TTC39C: variants seen among roughly 807,000 people sequenced by gnomAD.
TTC39C encodes the protein tetratricopeptide repeat domain 39C.
Under a neutral mutation model 76.3 loss-of-function variants are expected in TTC39C, and 33 were observed. The ratio of observed to expected loss-of-function variants is 0.43; its 90% CI spans 0.33 to 0.58. The LOEUF is 0.58. Among genes scored for constraint, TTC39C ranks in the 20% least tolerant of loss-of-function variants. TTC39C has a pLI of 0.04. For missense variants in TTC39C, 595 were observed against 701.4 expected (o/e 0.85, Z 1.71); for synonymous variants, 254 against 260.6 (o/e 0.97, Z 0.24).
intron 1 of TTC39C, among the ~76,000 whole-genome samples, chr18:24,061,920 AG>A (rs1436218548): frequency 6.6e-6 from 1 of 152,190 alleles, no homozygotes; most frequent in Non-Finnish European, 1.5e-5. Context: ...AAACAAACCA[AG>A]GACCAAGTGA....
At chr18:24,060,077 G>A (rs2084074553) in intron 1 of TTC39C, among the ~76,000 whole-genome samples, 2 of 152,184 alleles carry the variant, frequency 1.3e-5, no homozygotes, top group African/African-American at 2.4e-5. Flanking sequence ...TTCAAGGTGA[G>A]ATTTGGGTGG....
intron 1 of TTC39C, chr18:24,022,707 C>T: frequency 1.0e-6 from 1 of 985,410 alleles, no homozygotes; most frequent in Non-Finnish European, 1.2e-6. Flanking sequence ...CGCTCTGTGG[C>T]TCCCAGTCTT....
intron 7 of TTC39C, 139 bp from the exon 8 acceptor site, chr18:24,117,986 A>G: frequency 1.8e-6 from 1 of 547,588 alleles, no homozygotes; most frequent in Non-Finnish European, 3.0e-6. Flanking sequence ...ATAATTTCTT[A>G]GGTTTTCAGG....
At chr18:24,020,089 C>T (rs1020775589) in intron 1 of TTC39C, 6 of 1,309,948 alleles carry the variant, frequency 4.6e-6, no homozygotes, top group African/African-American at 1.5e-5. Flanking sequence ...TAGGAGAGTC[C>T]ACAGATGCAG....
At chr18:24,043,019 G>A (rs1330772325) in intron 1 of TTC39C, among the ~76,000 whole-genome samples, 2 of 152,120 alleles carry the variant, frequency 1.3e-5, no homozygotes, top group African/African-American at 4.8e-5. Context: ...AAACTATGTG[G>A]GGGAAATAAG....
chr18:24,082,238 G>A (rs898232760), intron 5 of TTC39C, among the ~76,000 whole-genome samples: 4 of 151,590 alleles, frequency 2.6e-5, no homozygotes, highest in South Asian at 2.1e-4. Context: ...TTGGAGCAAG[G>A]GAGTCTGAAG....
At chr18:24,072,775 T>G (rs1238005117) in intron 4 of TTC39C, among the ~76,000 whole-genome samples, 2 of 152,288 alleles carry the variant, frequency 1.3e-5, no homozygotes, top group Non-Finnish European at 2.9e-5. Flanking sequence ...TTAAAACATA[T>G]TTTATGGCAC....
chr18:24,057,745 T>C (rs1312962130), intron 1 of TTC39C, among the ~76,000 whole-genome samples: 1 of 152,204 alleles, frequency 6.6e-6, no homozygotes, highest in Non-Finnish European at 1.5e-5. Context: ...TATGTGTCTT[T>C]TGGGGGAACA....
Position 24,104,253 on chromosome 18 carries a change from T to C in TTC39C, c.985-10301T>C, listed in dbSNP as rs144038769. 2.1e-3 allele frequency among the ~76,000 whole-genome samples: 323 copies of C among 152,242 alleles called. 1 individual carries two copies. The highest frequency in any genetic ancestry group is 7.2e-3 in the African/African-American group (299 of 41,542). ...AGCCCCAAATCCCAAATTCTTATAA[T>C]GGTCATCAGGGCTTGCATGAACTGA... On this transcript the variant is annotated intron_variant, in intron 6 of 13. Coordinates refer to ENST00000317571, the MANE Select transcript of TTC39C (RefSeq NM_001135993.2).
chr18:24,051,739 G>A (rs932514393), intron 1 of TTC39C, among the ~76,000 whole-genome samples: 26 of 152,226 alleles, frequency 1.7e-4, no homozygotes, highest in Admixed American at 1.6e-3. Flanking sequence ...AAATAAGCAC[G>A]TGTGCTTTTG....
intron 1 of TTC39C, among the ~76,000 whole-genome samples, chr18:24,059,414 G>A (rs1316424004): frequency 3.9e-5 from 6 of 151,970 alleles, no homozygotes; most frequent in Non-Finnish European, 7.4e-5. Flanking sequence ...CCCTCTATGT[G>A]TCCATATGTT....
intron 1 of TTC39C, chr18:24,022,649 C>T (rs2083531461): frequency 1.0e-6 from 1 of 985,418 alleles, no homozygotes; most frequent in Non-Finnish European, 1.2e-6. Flanking sequence ...ATCCATCAAA[C>T]CCCCAGAGAG....
At chr18:24,037,281 G>C (rs1033365196) in intron 1 of TTC39C, among the ~76,000 whole-genome samples, 21 of 152,152 alleles carry the variant, frequency 1.4e-4, no homozygotes, top group East Asian at 1.9e-4. Flanking sequence ...GGCTCTTACT[G>C]TATTGTGTAA....
At chr18:24,113,524 A>C (rs1218534683) in intron 6 of TTC39C, 1 of 696,800 alleles carries the variant, frequency 1.4e-6, no homozygotes, top group Non-Finnish European at 2.6e-6. Context: ...CGCACCTGGA[A>C]GCCCAGGGGA....
At chr18:24,006,197 G>A (rs1396287207) in intron 1 of TTC39C, among the ~76,000 whole-genome samples, 1 of 151,956 alleles carries the variant, frequency 6.6e-6, no homozygotes, top group East Asian at 1.9e-4. Flanking sequence ...ATTTTTTATA[G>A]AGTTGGGGTT....
At chr18:24,081,487 A>G (rs936432416) in intron 5 of TTC39C, among the ~76,000 whole-genome samples, 5 of 152,218 alleles carry the variant, frequency 3.3e-5, no homozygotes, top group Non-Finnish European at 5.9e-5. Flanking sequence ...ATCTAGAACA[A>G]GAATTCACCA....
intron 6 of TTC39C, among the ~76,000 whole-genome samples, chr18:24,106,632 G>A (rs1014548168): frequency 5.3e-5 from 8 of 152,180 alleles, no homozygotes; most frequent in African/African-American, 1.4e-4. Flanking sequence ...GACCCATGGG[G>A]ATGAGGGGAT....
intron 6 of TTC39C, among the ~76,000 whole-genome samples, chr18:24,107,895 G>GGA (rs58236332): frequency 0.12 from 17,826 of 151,272 alleles, 2,396 homozygotes; most frequent in African/African-American, 0.32. Flanking sequence ...AGTAGGGGGG[G>GGA]GGGTACAGGC....
At chr18:23,997,657 A>AGAAAGAAAGAAAGAAG (rs751202897) in intron 1 of TTC39C, among the ~76,000 whole-genome samples, 10,344 of 59,994 alleles carry the variant, frequency 0.17, 1,663 homozygotes, top group East Asian at 0.24. Context: ...GGAAGGAGAA[A>AGAAAGAAAGAAAGAAG]GAAAGAAAGA....
Sources: gnomAD v4.1 joint callset for allele counts (sites outside exome capture counted in the v4.1 genomes callset) on GRCh38, gnomAD v4.1.1 for gene constraint, MANE v1.5 for transcripts, NCBI Gene and HGNC (gene_info 2026-07-23, HGNC 2026-07-21) for gene names.